Variants in TENM3 observed in about 807,000 individuals in gnomAD.
TENM3 encodes the protein teneurin transmembrane protein 3.
A neutral mutation model predicts 255.1 loss-of-function variants in TENM3; 63 were observed. That is an observed-to-expected ratio of 0.25 (90% CI 0.20 to 0.30). The LOEUF (loss-of-function observed/expected upper bound fraction) is 0.30. Among genes scored for constraint, TENM3 ranks in the 10% least tolerant of loss-of-function variants. The pLI is 1.00. For synonymous variants in TENM3, 1,306 were observed against 1,322.3 expected (o/e 0.99, Z 0.27); for missense variants, 2,929 against 3,461.1 (o/e 0.85, Z 3.86).
intron 3 of TENM3, among the ~76,000 whole-genome samples, chr4:182,536,237 A>G (rs1359125716): frequency 1.3e-5 from 2 of 152,244 alleles, no homozygotes; most frequent in Non-Finnish European, 2.9e-5. Context: ...ACCAGTGTCA[A>G]CTGGCACTGT....
the TENM3 span, among the ~76,000 whole-genome samples, chr4:181,656,557 G>A: frequency 5.8e-4 from 88 of 152,210 alleles, no homozygotes; most frequent in African/African-American, 1.9e-3. Flanking sequence ...GGAGAGCAGC[G>A]GGGAGGGTCT....
At chr4:182,679,389 T>C (rs1755931449) in intron 7 of TENM3, among the ~76,000 whole-genome samples, 1 of 152,186 alleles carries the variant, frequency 6.6e-6, no homozygotes, top group Non-Finnish European at 1.5e-5. Context: ...CATCAAACTT[T>C]TGATCAGTCA....
At position 182,715,851 on chromosome 4, in the gene TENM3, T is replaced by C. The variant is rs148891081; in HGVS notation, c.2368+1618T>C. Among the ~76,000 whole-genome samples, 7 of 152,308 alleles carry C rather than the reference T, an allele frequency of 4.6e-5. No individual in the cohort carries two copies. The East Asian group carries it at 1.3e-3, about 29-fold the overall frequency. On this transcript the variant is annotated intron_variant, in intron 13 of 27. Coordinates refer to ENST00000511685, the MANE Select transcript of TENM3 (RefSeq NM_001080477.4). The stretch of plus-strand genomic sequence containing the variant: ...CTTGTGTCTTATCCTTCCGACAAGG[T>C]GCTGCAATTCTCTCCTTTAGTTTCT...
intron 1 of TENM3, among the ~76,000 whole-genome samples, chr4:182,301,137 T>A (rs146308456): frequency 0.022 from 3,360 of 152,286 alleles, 54 homozygotes; most frequent in Middle Eastern, 0.041. Context: ...CCTTTCACCG[T>A]TTCCTATATT....
At chr4:182,232,825 G>A (rs1192176088) in intron 1 of TENM3, among the ~76,000 whole-genome samples, 2 of 152,170 alleles carry the variant, frequency 1.3e-5, no homozygotes, top group East Asian at 3.9e-4. Flanking sequence ...ATACTGTAAT[G>A]GGTGGGTAGC....
intron 24 of TENM3, among the ~76,000 whole-genome samples, chr4:182,784,309 T>G (rs1020404433): frequency 2.6e-5 from 4 of 152,058 alleles, no homozygotes; most frequent in Non-Finnish European, 4.4e-5. Flanking sequence ...TGGAATACCC[T>G]GCCGTGTGAG....
chr4:182,626,996 A>G (rs1031987134), intron 4 of TENM3, among the ~76,000 whole-genome samples: 1 of 152,174 alleles, frequency 6.6e-6, no homozygotes, highest in African/African-American at 2.4e-5. Context: ...CTGATTTTCA[A>G]TCCAGAATTC....
the TENM3 span, among the ~76,000 whole-genome samples, chr4:181,579,038 C>A: frequency 6.6e-6 from 1 of 152,080 alleles, no homozygotes; most frequent in Non-Finnish European, 1.5e-5. Flanking sequence ...AGCAGGCTCC[C>A]CTCTCCCATC....
chr4:181,641,805 C>CATACAT, the TENM3 span, among the ~76,000 whole-genome samples: 25 of 31,440 alleles, frequency 8.0e-4, no homozygotes, highest in African/African-American at 3.2e-3. Context: ...ACACACACAC[C>CATACAT]ATATATATAT....
the TENM3 span, among the ~76,000 whole-genome samples, chr4:181,864,822 A>C: frequency 6.6e-6 from 1 of 152,170 alleles, no homozygotes; most frequent in Non-Finnish European, 1.5e-5. Flanking sequence ...CATTTAAGTC[A>C]GTGTTTTACA....
At chr4:181,865,923 T>TAATC in the TENM3 span, among the ~76,000 whole-genome samples, 1 of 152,190 alleles carries the variant, frequency 6.6e-6, no homozygotes, top group Non-Finnish European at 1.5e-5. Flanking sequence ...CCATTTTAAA[T>TAATC]AATCAGTTTA....
the TENM3 span, among the ~76,000 whole-genome samples, chr4:181,631,544 C>T: frequency 6.6e-6 from 1 of 152,142 alleles, no homozygotes; most frequent in African/African-American, 2.4e-5. Flanking sequence ...CCTGCCTCAG[C>T]CTCCCAAAGT....
At chr4:182,753,001 C>A (rs938884463) in intron 20 of TENM3, among the ~76,000 whole-genome samples, 28 of 138,810 alleles carry the variant, frequency 2.0e-4, no homozygotes, top group Non-Finnish European at 3.9e-4. Flanking sequence ...GGCTGGAGAG[C>A]AATGGTGCGA....
the TENM3 span, among the ~76,000 whole-genome samples, chr4:181,948,067 A>G: frequency 0.043 from 6,582 of 152,244 alleles, 271 homozygotes; most frequent in East Asian, 0.21. Flanking sequence ...AAAAGCGAGC[A>G]CTCACTCTCA....
intron 4 of TENM3, among the ~76,000 whole-genome samples, chr4:182,620,476 C>G (rs1750011576): frequency 6.6e-6 from 1 of 152,114 alleles, no homozygotes; most frequent in Non-Finnish European, 1.5e-5. Context: ...AAATCTGAGA[C>G]CAAATATTCT....
At chr4:182,048,232 T>C in the TENM3 span, among the ~76,000 whole-genome samples, 1 of 152,186 alleles carries the variant, frequency 6.6e-6, no homozygotes, top group African/African-American at 2.4e-5. Context: ...TAAAATATGA[T>C]TAGCCAGAAA....
chr4:182,258,754 G>A (rs1052761448), intron 1 of TENM3, among the ~76,000 whole-genome samples: 11 of 152,082 alleles, frequency 7.2e-5, no homozygotes, highest in African/African-American at 2.4e-4. Flanking sequence ...ACCATGCAGC[G>A]ACTACCTATT....
At chr4:182,358,292 G>T (rs201366257) in intron 3 of TENM3, among the ~76,000 whole-genome samples, 128,470 of 128,976 alleles carry the variant, frequency 1, 63,985 homozygotes, top group Middle Eastern at 1. Flanking sequence ...GCATTGAATC[G>T]ATAAATTACC....
chr4:182,677,639 G>C (rs941733242), intron 7 of TENM3, among the ~76,000 whole-genome samples: 65 of 152,138 alleles, frequency 4.3e-4, no homozygotes, highest in African/African-American at 1.4e-3. Context: ...ACACCAGTCA[G>C]TATTTTCATC....
Sources: gnomAD v4.1 joint callset for allele counts (sites outside exome capture counted in the v4.1 genomes callset) on GRCh38, gnomAD v4.1.1 for gene constraint, MANE v1.5 for transcripts, NCBI Gene and HGNC (gene_info 2026-07-23, HGNC 2026-07-21) for gene names.